The following DOCK1 variants were observed in gnomAD, a reference collection of about 807,000 sequenced individuals.
The protein encoded by DOCK1 is dedicator of cytokinesis 1.
Under a neutral mutation model 262.7 loss-of-function variants are expected in DOCK1, and 138 were observed. The ratio of observed to expected loss-of-function variants is 0.53; its 90% CI spans 0.46 to 0.61. The LOEUF (loss-of-function observed/expected upper bound fraction) is 0.61, where lower values mean the gene tolerates loss of function less well. Ranked by LOEUF, DOCK1 falls within the 20% of genes least tolerant of loss-of-function variation. The pLI is 0.00. For missense variants in DOCK1, 1,908 were observed against 2,370.7 expected (o/e 0.80, Z 4.05); for synonymous variants, 866 against 867.4 (o/e 1.00, Z 0.03).
Position 127,339,012 on chromosome 10 carries a change from C to A in DOCK1, c.3051C>A (p.Phe1017Leu). Residue 1017 changes from phenylalanine (F) to leucine (L), a missense_variant, in exon 30 of 52, where the codon TTC becomes TTA. Phe to Leu is a conservative substitution (Grantham distance 22). This residue lies in a region of DOCK1 where 518 missense variants were observed against 575.1 expected (regional missense o/e 0.90). Transcript: ENST00000623213. ...VIMNMVQNKV[F>L]LRAINQYADM... ...TTTTCTCTTGATCTTTCAGAGTCTT[C>A]CTGCGAGCAATTAATCAGTATGCAG... The A allele has an allele frequency of 3.8e-6, 6 of 1,578,576 alleles. No homozygotes were observed. The highest frequency in any genetic ancestry group is 5.2e-6 in the Non-Finnish European group (6 of 1,161,812).
chr10:126,977,907 T>C (rs2134778470), intron 2 of DOCK1, 41 bp from the exon 3 acceptor site: 1 of 1,605,874 alleles, frequency 6.2e-7, no homozygotes, highest in Non-Finnish European at 8.5e-7. Flanking sequence ...GACCCTAACA[T>C]GTCTCTTTGT....
At chr10:126,975,973 T>C (rs979022694) in intron 2 of DOCK1, among the ~76,000 whole-genome samples, 2 of 152,184 alleles carry the variant, frequency 1.3e-5, no homozygotes, top group Non-Finnish European at 2.9e-5. Flanking sequence ...ATTATTTCCT[T>C]ATGTATTCTA....
At chr10:126,982,817 C>G (rs997568384) in intron 4 of DOCK1, among the ~76,000 whole-genome samples, 4 of 152,022 alleles carry the variant, frequency 2.6e-5, no homozygotes, top group Non-Finnish European at 4.4e-5. Flanking sequence ...GTTTTGTATG[C>G]AAAGTTTTAA....
intron 27 of DOCK1, among the ~76,000 whole-genome samples, chr10:127,171,233 T>C (rs1718549272): frequency 6.6e-6 from 1 of 152,168 alleles, no homozygotes; most frequent in Non-Finnish European, 1.5e-5. Context: ...CGAAAAATAA[T>C]TTGGAAGCTA....
chr10:127,369,615 A>T (rs1010592186), intron 33 of DOCK1, among the ~76,000 whole-genome samples: 25 of 152,228 alleles, frequency 1.6e-4, no homozygotes, highest in African/African-American at 5.5e-4. Flanking sequence ...CACCTGTCTC[A>T]GGCATCAGCA....
intron 27 of DOCK1, among the ~76,000 whole-genome samples, chr10:127,207,545 A>C (rs2057779928): frequency 1.3e-5 from 2 of 152,236 alleles, no homozygotes; most frequent in African/African-American, 4.8e-5. Flanking sequence ...ATTCCTGTAC[A>C]TATTGAGAAC....
At chr10:126,958,729 T>C (rs2036952525) in intron 1 of DOCK1, among the ~76,000 whole-genome samples, 1 of 152,194 alleles carries the variant, frequency 6.6e-6, no homozygotes, top group African/African-American at 2.4e-5. Flanking sequence ...AGGAATCTTC[T>C]TCATTCTGAG....
intron 37 of DOCK1, among the ~76,000 whole-genome samples, chr10:127,383,050 A>G (rs1280849463): frequency 6.6e-6 from 1 of 152,204 alleles, no homozygotes; most frequent in Non-Finnish European, 1.5e-5. Flanking sequence ...TGTAAATGTG[A>G]ATTCATGCTA....
chr10:127,206,215 C>A (rs576330807), intron 27 of DOCK1, among the ~76,000 whole-genome samples: 1 of 135,016 alleles, frequency 7.4e-6, no homozygotes. Flanking sequence ...GCAAGCTCAG[C>A]TCACTGCAAC....
chr10:127,349,688 A>T (rs1339611671), intron 31 of DOCK1, among the ~76,000 whole-genome samples: 1 of 152,186 alleles, frequency 6.6e-6, no homozygotes, highest in Non-Finnish European at 1.5e-5. Flanking sequence ...TCCCAAATCA[A>T]GGTGTGGGCA....
chr10:127,233,107 A>G (rs76640920), intron 27 of DOCK1, among the ~76,000 whole-genome samples: 4,049 of 152,296 alleles, frequency 0.027, 152 homozygotes, highest in African/African-American at 0.088. Context: ...CCTGATTGTC[A>G]TAAGTGAAAA....
At chr10:127,001,837 G>A (rs2040615634) in intron 10 of DOCK1, among the ~76,000 whole-genome samples, 1 of 152,098 alleles carries the variant, frequency 6.6e-6, no homozygotes, top group South Asian at 2.1e-4. Flanking sequence ...CACAGCCTTG[G>A]GCTGGGGAAA....
chr10:127,148,658 A>C (rs2052163191), intron 27 of DOCK1, among the ~76,000 whole-genome samples: 1 of 152,240 alleles, frequency 6.6e-6, no homozygotes, highest in Admixed American at 6.5e-5. Context: ...TAGTCCGACA[A>C]AAGAATTACC....
intron 27 of DOCK1, among the ~76,000 whole-genome samples, chr10:127,152,596 G>A (rs939281388): frequency 1.3e-5 from 2 of 152,190 alleles, no homozygotes; most frequent in Non-Finnish European, 2.9e-5. Flanking sequence ...ATTTGGGACT[G>A]GATAGCTCTT....
Position 126,905,498 on chromosome 10 carries a change from G to T in DOCK1, c.-20G>T. The T allele has an allele frequency of 3.7e-6, 2 of 535,582 alleles. No homozygotes were observed. Among genetic ancestry groups the T allele is most frequent in the Non-Finnish European group, 3.4e-6 (1 of 290,824 alleles). 33.2% of individuals were successfully genotyped at this position (535,582 alleles called of 1,614,324 possible). On this transcript the variant is annotated 5_prime_UTR_variant, in exon 1 of 52. Coordinates refer to ENST00000623213, the MANE Select transcript of DOCK1 (RefSeq NM_001290223.2). ...AGACGCGGAGTTTCCTGCCCGACCC[G>T]CGGCGGCTCCGGCGGCGCCATGACG...
chr10:127,373,537 T>C (rs79646365), intron 33 of DOCK1, among the ~76,000 whole-genome samples: 320 of 152,194 alleles, frequency 2.1e-3, no homozygotes, highest in African/African-American at 7.5e-3. Flanking sequence ...TTCTTGCTCC[T>C]GCTATCAGGA....
At chr10:127,449,560 G>A (rs1048911967) in intron 51 of DOCK1, among the ~76,000 whole-genome samples, 3 of 152,178 alleles carry the variant, frequency 2.0e-5, no homozygotes, top group Non-Finnish European at 4.4e-5. Flanking sequence ...TTAGATTAAT[G>A]ACCCAGGTGT....
chr10:127,070,723 T>C lies in DOCK1; in HGVS notation c.2445+8947T>C, dbSNP rs2046180075. Reference sequence around the variant, plus strand: ...GGGAGCTGCAGGACTGGAAACTTCTTAGAATCTAGTGTGCACATGAGTCAC... The same window carrying C: ...GGGAGCTGCAGGACTGGAAACTTCTCAGAATCTAGTGTGCACATGAGTCAC... On this transcript the variant is annotated intron_variant, in intron 23 of 51. Transcript: ENST00000623213. Among the ~76,000 whole-genome samples the C allele has an allele frequency of 2.0e-5, 3 of 151,078 alleles. No individual in the cohort carries two copies. The South Asian group carries it at 6.3e-4, about 32-fold the overall frequency.
chr10:126,991,677 G>C (rs1030642056), intron 6 of DOCK1, among the ~76,000 whole-genome samples: 3 of 152,050 alleles, frequency 2.0e-5, no homozygotes, highest in African/African-American at 7.2e-5. Flanking sequence ...TTATAGGCAT[G>C]CACCACCATG....
Sources: gnomAD v4.1 joint callset for allele counts (sites outside exome capture counted in the v4.1 genomes callset) on GRCh38, gnomAD v4.1.1 for gene constraint, gnomAD v4.1.1 regional missense constraint, MANE v1.5 for transcripts, NCBI Gene and HGNC (gene_info 2026-07-23, HGNC 2026-07-21) for gene names.